The following NEAT1 variants were observed in gnomAD, a reference collection of about 807,000 sequenced individuals.
NEAT1 encodes MENepsilon/beta.
exon 1 of NEAT1, chr11:65,441,510 A>G (rs1007620283): frequency 7.9e-5 from 12 of 152,036 alleles, no homozygotes; most frequent in African/African-American, 2.9e-4. Flanking sequence ...GCTATTAAAT[A>G]TTTCTATTTC....
At chr11:65,444,263 C>CTG (rs66756887) in exon 1 of NEAT1, 3,762 of 254,508 alleles carry the variant, frequency 0.015, 39 homozygotes, top group Non-Finnish European at 0.016. Context: ...AGTCCTCAGA[C>CTG]TGTGTGTGTG....
chr11:65,430,714 TGGA>T (rs1257783458), exon 1 of NEAT1: 1 of 152,206 alleles, frequency 6.6e-6, no homozygotes, highest in African/African-American at 2.4e-5. Flanking sequence ...ATGTATCCCC[TGGA>T]GTGGCATTGC....
At chr11:65,426,190 AATC>A (rs1440032200) in exon 1 of NEAT1, 1 of 152,174 alleles carries the variant, frequency 6.6e-6, no homozygotes, top group East Asian at 1.9e-4. Flanking sequence ...AAATTTTAAA[AATC>A]ATGGTTATTT....
exon 1 of NEAT1, chr11:65,431,376 T>C (rs1856612606): frequency 6.6e-6 from 1 of 152,218 alleles, no homozygotes; most frequent in African/African-American, 2.4e-5. Flanking sequence ...TGCTGTAATG[T>C]ACACACATCT....
At chr11:65,423,823 C>G (rs1284046371) in exon 1 of NEAT1, 2 of 152,216 alleles carry the variant, frequency 1.3e-5, no homozygotes, top group East Asian at 3.8e-4. Flanking sequence ...AGAGGCCTTC[C>G]CGCTGAGGCT....
chr11:65,439,041 C>T (rs542612817), exon 1 of NEAT1: 1 of 152,334 alleles, frequency 6.6e-6, no homozygotes, highest in South Asian at 2.1e-4. Flanking sequence ...TTCTTGCCAA[C>T]ACTAGTTATT....
chr11:65,429,816 C>T (rs542656511), exon 1 of NEAT1: 11 of 152,238 alleles, frequency 7.2e-5, no homozygotes, highest in African/African-American at 2.2e-4. Context: ...TTTAAACCTT[C>T]TTCCCCGTGG....
At chr11:65,423,728 A>T (rs1856527611) in exon 1 of NEAT1, 1 of 152,254 alleles carries the variant, frequency 6.6e-6, no homozygotes, top group South Asian at 2.1e-4. Context: ...CCATTCACTT[A>T]AAACATTACC....
chr11:65,444,395 G>C (rs1480053662), exon 1 of NEAT1: 2 of 464,914 alleles, frequency 4.3e-6, no homozygotes, highest in Non-Finnish European at 8.9e-6. Context: ...AAGGCACCCA[G>C]CTCTCACCCT....
At chr11:65,430,029 G>A (rs1403190168) in exon 1 of NEAT1, 1 of 152,250 alleles carries the variant, frequency 6.6e-6, no homozygotes. Context: ...CCATCTGAGT[G>A]GATTTGGACC....
At chr11:65,442,787 G>A (rs1420423204) in exon 1 of NEAT1, 1 of 152,320 alleles carries the variant, frequency 6.6e-6, no homozygotes, top group Non-Finnish European at 1.5e-5. Context: ...GGCTGAGGCA[G>A]AAGAATCACT....
chr11:65,436,829 AT>A (rs1289881378), exon 1 of NEAT1: 1 of 152,090 alleles, frequency 6.6e-6, no homozygotes, highest in African/African-American at 2.4e-5. Context: ...ATGGGTTTTT[AT>A]GTACATGGGC....
At chr11:65,441,396 T>G (rs1856712979) in exon 1 of NEAT1, 1 of 152,202 alleles carries the variant, frequency 6.6e-6, no homozygotes, top group Non-Finnish European at 1.5e-5. Flanking sequence ...ACTTCTGGAC[T>G]CAAGTGATCC....
At chr11:65,423,475 C>G (rs1184350280) in exon 1 of NEAT1, 1 of 152,106 alleles carries the variant, frequency 6.6e-6, no homozygotes, top group African/African-American at 2.4e-5. Context: ...GGCCCCTGGG[C>G]GGAGGTGAGG....
At chr11:65,424,210 A>G (rs1856537123) in exon 1 of NEAT1, 1 of 152,274 alleles carries the variant, frequency 6.6e-6, no homozygotes, top group South Asian at 2.1e-4. Context: ...GCAATCTTAA[A>G]AAGTCCACAG....
exon 1 of NEAT1, chr11:65,435,380 A>T (rs925667172): frequency 6.6e-6 from 1 of 152,126 alleles, no homozygotes; most frequent in Admixed American, 6.5e-5. Context: ...AATGTATCCT[A>T]TTATTCTCTG....
exon 1 of NEAT1, chr11:65,444,577 G>C (rs746061844): frequency 2.1e-6 from 1 of 469,980 alleles, no homozygotes; most frequent in Non-Finnish European, 4.4e-6. Context: ...AGCAGAGCTC[G>C]TGGGGGGCTC....
exon 1 of NEAT1, chr11:65,423,507 G>A (rs1856522951): frequency 6.6e-6 from 1 of 152,222 alleles, no homozygotes; most frequent in South Asian, 2.1e-4. Context: ...GAGTGATGTG[G>A]AGTTAAGGCG....
exon 1 of NEAT1, chr11:65,438,361 GAA>G (rs1856684130): frequency 6.7e-6 from 1 of 149,476 alleles, no homozygotes; most frequent in Non-Finnish European, 1.5e-5. Context: ...TTTCTTCTAA[GAA>G]TATTTATTTT....
Sources: gnomAD v4.1 joint callset for allele counts on GRCh38, gnomAD v4.1.1 for gene constraint, MANE v1.5 for transcripts, NCBI Gene and HGNC (gene_info 2026-07-23, HGNC 2026-07-21) for gene names.